The following SLC25A16 variants were observed in gnomAD, a reference collection of about 807,000 sequenced individuals.
SLC25A16 encodes mitochondrial coenzyme A transporter SLC25A16.
A neutral mutation model predicts 41.5 loss-of-function variants in SLC25A16; 39 were observed. The observed-to-expected ratio is 0.94, with a 90% CI of 0.73 to 1.23. SLC25A16 has a LOEUF of 1.23. SLC25A16 is among the 50% of genes most tolerant of loss of function. SLC25A16 has a pLI of 0.00. For synonymous variants in SLC25A16, 146 were observed against 147.8 expected, an observed-to-expected ratio of 0.99 and a Z score of 0.09; for missense variants, 421 against 426.9, an observed-to-expected ratio of 0.99 and a Z score of 0.12.
At chr10:68,522,683 C>G (rs2053268096) in intron 1 of SLC25A16, among the ~76,000 whole-genome samples, 1 of 151,992 alleles carries the variant, frequency 6.6e-6, no homozygotes, top group Non-Finnish European at 1.5e-5. Flanking sequence ...GGTGTGGTGA[C>G]ACACGCCTAT....
At chr10:68,502,766 AGGGGAG>A in intron 4 of SLC25A16, among the ~76,000 whole-genome samples, 1 of 41,490 alleles carries the variant, frequency 2.4e-5, no homozygotes, top group Non-Finnish European at 4.7e-5. Context: ...AGGGGAGGGG[AGGGGAG>A]AAGAAAAGAG....
In SLC25A16 at chr10:68,480,621, T is replaced by G. The variant is rs10998213; in HGVS notation, c.*2811A>C. The G allele has an allele frequency of 6.7e-6, 1 of 150,208 alleles. No individual in the cohort carries two copies. The highest frequency in any genetic ancestry group is 1.5e-5 in the Non-Finnish European group (1 of 67,716). The allele number at this position is 150,208 out of a possible 1,614,324, so 9.3% of individuals were successfully genotyped here. On this transcript the variant is annotated 3_prime_UTR_variant, in exon 9 of 9. Coordinates refer to ENST00000609923, the MANE Select transcript of SLC25A16 (RefSeq NM_152707.4). Reference sequence around the variant, plus strand: ...AAGTGATTCTCCTGTCTCAGCCTCCTGAGTAACTGGGACTACAGGTGCGTG... The same window carrying G: ...AAGTGATTCTCCTGTCTCAGCCTCCGGAGTAACTGGGACTACAGGTGCGTG...
intron 1 of SLC25A16, among the ~76,000 whole-genome samples, chr10:68,522,814 C>CAAAAA (rs58143466): frequency 1.5e-5 from 1 of 65,468 alleles, no homozygotes; most frequent in Non-Finnish European, 2.8e-5. Context: ...GATTCCTTCT[C>CAAAAA]AAAAAAAAAA....
At chr10:68,499,938 G>A in intron 4 of SLC25A16, 2 of 569,098 alleles carry the variant, frequency 3.5e-6, no homozygotes, top group Non-Finnish European at 6.6e-6. Context: ...GCAAATACAA[G>A]GAAGAAACAA....
chr10:68,523,303 G>T (rs1353223547), intron 1 of SLC25A16, among the ~76,000 whole-genome samples: 1 of 152,050 alleles, frequency 6.6e-6, no homozygotes, highest in African/African-American at 2.4e-5. Flanking sequence ...ATGTTGCCCA[G>T]GCTGGTCTCC....
chr10:68,500,975 C>T (rs547574532), intron 4 of SLC25A16, among the ~76,000 whole-genome samples: 2 of 147,706 alleles, frequency 1.4e-5, no homozygotes, highest in South Asian at 4.3e-4. Flanking sequence ...ATACAGGATG[C>T]GTGCGGTGAC....
chr10:68,502,679 T>C (rs2052868759), intron 4 of SLC25A16, among the ~76,000 whole-genome samples: 1 of 140,690 alleles, frequency 7.1e-6, no homozygotes, highest in South Asian at 2.4e-4. Flanking sequence ...CTGCAGTGAG[T>C]TGTGATCACG....
chr10:68,487,232 T>G lies in SLC25A16; in HGVS notation c.774-20A>C. On this transcript the variant is annotated intron_variant, in intron 7 of 8. Transcript: ENST00000609923. ...GGGTAGCTAAAAGAAGAAAAAGGCATAAAGAATTAAAAATTTTTGGTTTTC... is the reference window on the plus strand; with the variant it reads ...GGGTAGCTAAAAGAAGAAAAAGGCAGAAAGAATTAAAAATTTTTGGTTTTC... 1.2e-6 allele frequency: 2 copies of G among 1,608,306 alleles called. No homozygotes were observed. The highest frequency in any genetic ancestry group is 1.3e-5 in the African/African-American group (1 of 74,814).
intron 2 of SLC25A16, among the ~76,000 whole-genome samples, chr10:68,514,315 T>C (rs796631923): frequency 2.6e-5 from 4 of 152,026 alleles, no homozygotes; most frequent in African/African-American, 9.6e-5. Context: ...GCCAATATGG[T>C]GAAACCCCGT....
chr10:68,523,662 A>C (rs1034767624), intron 1 of SLC25A16, among the ~76,000 whole-genome samples: 1 of 151,892 alleles, frequency 6.6e-6, no homozygotes, highest in Non-Finnish European at 1.5e-5. Flanking sequence ...TTTAGTAGAG[A>C]TGGGGTTTCG....
intron 8 of SLC25A16, among the ~76,000 whole-genome samples, chr10:68,484,715 G>A (rs2052530998): frequency 6.6e-6 from 1 of 152,118 alleles, no homozygotes; most frequent in African/African-American, 2.4e-5. Flanking sequence ...CTCTCAAGTA[G>A]CTGGATACAA....
chr10:68,491,225 CT>C (rs71470521), intron 6 of SLC25A16, among the ~76,000 whole-genome samples: 24,029 of 145,864 alleles, frequency 0.16, 2,057 homozygotes, highest in South Asian at 0.26. Context: ...TTTGTTGTTG[CT>C]TTTTTTTTTT....
intron 1 of SLC25A16, 84 bp from the exon 2 acceptor site, chr10:68,516,927 C>T: frequency 8.8e-7 from 1 of 1,138,058 alleles, no homozygotes; most frequent in South Asian, 1.4e-5. Context: ...CCAGCAAACC[C>T]TCTAATCTCT....
At chr10:68,525,434 C>CG (rs1177539129) in intron 1 of SLC25A16, among the ~76,000 whole-genome samples, 1 of 152,058 alleles carries the variant, frequency 6.6e-6, no homozygotes, top group Non-Finnish European at 1.5e-5. Context: ...CCCTGCCCAG[C>CG]GAATTTTTAT....
Position 68,483,196 on chromosome 10 carries a change from C to A in SLC25A16, c.*236G>T. On this transcript the variant is annotated 3_prime_UTR_variant, in exon 9 of 9. Coordinates refer to ENST00000609923, the MANE Select transcript of SLC25A16 (RefSeq NM_152707.4). ...CAAATAAAACTTTAAAGCGGTTTAG[C>A]CAGCATCAGCTTAGGAATATTTTCT... 3.0e-6 allele frequency: 1 copy of A among 332,636 alleles called. No individual in the cohort carries two copies. The highest frequency in any genetic ancestry group is 5.4e-6 in the Non-Finnish European group (1 of 184,824). The allele number at this position is 332,636 out of a possible 1,614,324, so 20.6% of individuals were successfully genotyped here.
chr10:68,501,921 G>A lies in SLC25A16; in HGVS notation c.421+1711C>T, dbSNP rs147322249. Reference sequence around the variant, plus strand: ...TTAGTAGAAAAACATGACTAGGGCCGGGCACGGTGGCTCATGCCTGTAATC... The same window carrying A: ...TTAGTAGAAAAACATGACTAGGGCCAGGCACGGTGGCTCATGCCTGTAATC... On this transcript the variant is annotated intron_variant, in intron 4 of 8. Transcript: ENST00000609923. 2.7e-3 allele frequency among the ~76,000 whole-genome samples: 410 copies of A among 152,236 alleles called. 4 individuals are homozygous for A. The highest frequency in any genetic ancestry group is 9.2e-3 in the African/African-American group (382 of 41,542).
intron 6 of SLC25A16, among the ~76,000 whole-genome samples, chr10:68,490,156 G>A (rs1486432844): frequency 6.6e-6 from 1 of 151,986 alleles, no homozygotes; most frequent in East Asian, 1.9e-4. Context: ...CAGTTACTCA[G>A]GCAGCTGACA....
chr10:68,517,772 C>T (rs2053183817), intron 1 of SLC25A16: 1 of 152,084 alleles, frequency 6.6e-6, no homozygotes, highest in East Asian at 1.9e-4. Context: ...AGCTCGACAC[C>T]AGCCTGGCCA....
In SLC25A16 at chr10:68,493,432, A is replaced by G; in HGVS notation, c.543+17T>C. ...TAAAAGGGCATGTTATAGATGAGGAAGGTAAATATGAAATACCTTTGCATA... is the reference window on the plus strand; with the variant it reads ...TAAAAGGGCATGTTATAGATGAGGAGGGTAAATATGAAATACCTTTGCATA... On this transcript the variant is annotated intron_variant, in intron 5 of 8. Transcript: ENST00000609923. The G allele has an allele frequency of 5.6e-6, 9 of 1,605,368 alleles. No individual in the cohort carries two copies. The highest frequency in any genetic ancestry group is 7.7e-6 in the Non-Finnish European group (9 of 1,172,248).
Sources: gnomAD v4.1 joint callset for allele counts (sites outside exome capture counted in the v4.1 genomes callset) on GRCh38, gnomAD v4.1.1 for gene constraint, MANE v1.5 for transcripts, NCBI Gene and HGNC (gene_info 2026-07-23, HGNC 2026-07-21) for gene names.